The following SEMA3C variants were observed in gnomAD, a reference collection of about 807,000 sequenced individuals.
SEMA3C encodes the protein semaphorin-3C.
In SEMA3C, 47 loss-of-function variants were observed where a neutral mutation model predicts 89.4. The ratio of observed to expected loss-of-function variants is 0.53; its 90% CI spans 0.42 to 0.67. The LOEUF is 0.67. SEMA3C is among the 30% of genes least tolerant of loss of function. SEMA3C has a pLI of 0.00. For missense variants in SEMA3C, 839 were observed against 929.1 expected, an observed-to-expected ratio of 0.90 and a Z score of 1.26; for synonymous variants, 310 against 320.2, an observed-to-expected ratio of 0.97 and a Z score of 0.34.
chr7:80,861,332 A>T (rs1400459353), intron 2 of SEMA3C, among the ~76,000 whole-genome samples: 3 of 152,140 alleles, frequency 2.0e-5, no homozygotes, highest in Non-Finnish European at 4.4e-5. Context: ...TGATTCAGTT[A>T]TTTATAATAT....
At chr7:80,836,583 CAGG>C (rs200817081) in intron 2 of SEMA3C, among the ~76,000 whole-genome samples, 2,112 of 152,214 alleles carry the variant, frequency 0.014, 61 homozygotes, top group Admixed American at 0.068. Flanking sequence ...GAGGCTGAGG[CAGG>C]AGAATTGCTT....
At chr7:80,909,642 A>G (rs990756165) in intron 2 of SEMA3C, among the ~76,000 whole-genome samples, 1 of 152,144 alleles carries the variant, frequency 6.6e-6, no homozygotes, top group African/African-American at 2.4e-5. Flanking sequence ...ACTCTAAGGC[A>G]ATACATAAAT....
At chr7:80,775,867 G>A (rs1425933947) in intron 12 of SEMA3C, among the ~76,000 whole-genome samples, 3 of 151,856 alleles carry the variant, frequency 2.0e-5, no homozygotes, top group Non-Finnish European at 2.9e-5. Flanking sequence ...AACTGTAATT[G>A]CTTTTCTTCC....
At chr7:80,801,993 A>T (rs1158846619) in intron 9 of SEMA3C, among the ~76,000 whole-genome samples, 2 of 152,158 alleles carry the variant, frequency 1.3e-5, no homozygotes, top group African/African-American at 2.4e-5. Context: ...AATGACCATT[A>T]TTTTACCTTC....
intron 2 of SEMA3C, among the ~76,000 whole-genome samples, chr7:80,905,181 T>G (rs1791976711): frequency 6.7e-6 from 1 of 148,712 alleles, no homozygotes; most frequent in African/African-American, 2.5e-5. Flanking sequence ...GGCCATTTTT[T>G]TTTTTTTTTG....
At chr7:80,761,498 A>G in intron 14 of SEMA3C, 118 bp downstream of exon 14, 1 of 568,186 alleles carries the variant, frequency 1.8e-6, no homozygotes, top group Non-Finnish European at 3.1e-6. Context: ...GTATACTTTA[A>G]GTAGTACTCT....
chr7:80,912,606 C>T (rs915046381), intron 2 of SEMA3C, among the ~76,000 whole-genome samples: 20 of 152,228 alleles, frequency 1.3e-4, no homozygotes, highest in African/African-American at 4.8e-4. Flanking sequence ...TTTGGGTTTA[C>T]TAAAACACTC....
At chr7:80,869,209 G>C (rs981152765) in intron 2 of SEMA3C, among the ~76,000 whole-genome samples, 3 of 152,170 alleles carry the variant, frequency 2.0e-5, no homozygotes, top group African/African-American at 7.2e-5. Context: ...AGATTTGGCA[G>C]TGCTTGTAAG....
rs189112542 is a variant in SEMA3C at position 80,749,596 on chromosome 7, C to G, written c.1712-568G>C. ...AACGTAGGGCAAAATCCTGACCTTA[C>G]TACTACTGGCTGTGTAACCTCAGAC... On this transcript the variant is annotated intron_variant, in intron 16 of 17. Transcript: ENST00000265361. Among the ~76,000 whole-genome samples the G allele has an allele frequency of 3.7e-4, 56 of 152,304 alleles. 1 individual carries two copies. In the East Asian group the frequency reaches 4.2e-3, roughly 12 times the overall value.
intron 2 of SEMA3C, among the ~76,000 whole-genome samples, chr7:80,891,607 T>C (rs1182459709): frequency 2.0e-5 from 3 of 151,998 alleles, no homozygotes; most frequent in African/African-American, 4.8e-5. Flanking sequence ...ATTAAAAACA[T>C]GGGAAATATC....
intron 6 of SEMA3C, among the ~76,000 whole-genome samples, chr7:80,806,428 A>G (rs1789344115): frequency 6.6e-6 from 1 of 152,208 alleles, no homozygotes; most frequent in Admixed American, 6.5e-5. Context: ...CTAAAAGTAC[A>G]TATTTTGATC....
intron 12 of SEMA3C, among the ~76,000 whole-genome samples, chr7:80,775,633 A>C (rs1788531452): frequency 6.6e-6 from 1 of 152,012 alleles, no homozygotes; most frequent in South Asian, 2.1e-4. Flanking sequence ...ACTTGAACTA[A>C]TTTGGTCATA....
intron 5 of SEMA3C, among the ~76,000 whole-genome samples, chr7:80,813,744 AC>A (rs1457392935): frequency 6.6e-6 from 1 of 151,976 alleles, no homozygotes; most frequent in Non-Finnish European, 1.5e-5. Context: ...TATTTAAACA[AC>A]CCCTTCAGCT....
intron 4 of SEMA3C, among the ~76,000 whole-genome samples, chr7:80,820,518 T>C (rs1789722040): frequency 2.0e-5 from 3 of 152,206 alleles, no homozygotes; most frequent in Admixed American, 2.0e-4. Context: ...AGCAAATATA[T>C]ACTTTTATTT....
chr7:80,893,705 C>G (rs1446197776), intron 2 of SEMA3C, among the ~76,000 whole-genome samples: 1 of 151,958 alleles, frequency 6.6e-6, no homozygotes. Context: ...ATACGTGCTA[C>G]TGTGTATTTG....
intron 2 of SEMA3C, among the ~76,000 whole-genome samples, chr7:80,910,545 T>G (rs1331939559): frequency 1.3e-5 from 2 of 152,130 alleles, no homozygotes; most frequent in African/African-American, 4.8e-5. Context: ...CCTTTAAATG[T>G]GTTTTCCTTA....
chr7:80,919,389 T>A (rs982576990), upstream of SEMA3C: 6 of 984,568 alleles, frequency 6.1e-6, no homozygotes, highest in Admixed American at 2.5e-4. Context: ...CGCTCCACGG[T>A]TTTTGTTGCC....
intron 2 of SEMA3C, among the ~76,000 whole-genome samples, chr7:80,889,525 A>T (rs530195830): frequency 2.6e-5 from 4 of 152,182 alleles, no homozygotes; most frequent in African/African-American, 9.6e-5. Context: ...GTTCTAAATT[A>T]TAATTTAATC....
chr7:80,874,992 G>A (rs1791166724), intron 2 of SEMA3C, among the ~76,000 whole-genome samples: 2 of 151,758 alleles, frequency 1.3e-5, no homozygotes, highest in Non-Finnish European at 2.9e-5. Context: ...GCTGAGACAG[G>A]ACAATTGCTT....
Sources: allele counts gnomAD v4.1 joint callset (sites outside exome capture counted in the v4.1 genomes callset), GRCh38; gene constraint gnomAD v4.1.1; transcripts MANE v1.5; gene names NCBI Gene and HGNC (gene_info 2026-07-23, HGNC 2026-07-21).